Variants in FAM228B observed in about 807,000 individuals in gnomAD.
FAM228B encodes the protein family with sequence similarity 228 member B.
In FAM228B, 38 loss-of-function variants were observed where a neutral mutation model predicts 42.6. That is an observed-to-expected ratio of 0.89 (90% CI 0.69 to 1.17). The LOEUF is 1.17. Ranked by LOEUF, FAM228B falls within the 50% of genes most tolerant of loss-of-function variation. The pLI is 0.00. For missense variants in FAM228B, 344 were observed against 367.3 expected (o/e 0.94, Z 0.52); for synonymous variants, 109 against 122.3 (o/e 0.89, Z 0.72).
intron 2 of FAM228B, among the ~76,000 whole-genome samples, chr2:24,129,866 A>G (rs905404408): frequency 6.6e-6 from 1 of 152,034 alleles, no homozygotes; most frequent in East Asian, 1.9e-4. Context: ...GGTTTGTTAC[A>G]TAGGTATATA....
At chr2:24,150,135 C>T (rs2151025001) in intron 7 of FAM228B, among the ~76,000 whole-genome samples, 1 of 152,140 alleles carries the variant, frequency 6.6e-6, no homozygotes, top group African/African-American at 2.4e-5. Context: ...TATTTGCACA[C>T]CACCATTGCA....
chr2:24,091,263 C>G (rs1229545564), intron 2 of FAM228B, among the ~76,000 whole-genome samples: 1 of 152,090 alleles, frequency 6.6e-6, no homozygotes, highest in East Asian at 1.9e-4. Context: ...GAAACCCCGC[C>G]TCTACTAAAA....
intron 7 of FAM228B, among the ~76,000 whole-genome samples, chr2:24,153,289 A>G (rs1264260541): frequency 1.3e-5 from 2 of 152,154 alleles, no homozygotes; most frequent in African/African-American, 4.8e-5. Context: ...CACCACAGCT[A>G]GGAATGTTCT....
At chr2:24,126,079 A>G (rs879919516) in intron 2 of FAM228B, among the ~76,000 whole-genome samples, 4 of 152,148 alleles carry the variant, frequency 2.6e-5, no homozygotes, top group Non-Finnish European at 5.9e-5. Context: ...GTTTATGGAC[A>G]TTTGGGTTGA....
chr2:24,084,071 A>G lies in FAM228B; in HGVS notation c.-210+3116A>G. 2.1e-6 allele frequency: 3 copies of G among 1,419,578 alleles called. No homozygotes were observed. The South Asian group carries it at 4.4e-5, about 21-fold the overall frequency. The allele number at this position is 1,419,578 out of a possible 1,614,324, so 87.9% of individuals were successfully genotyped here. On this transcript the variant is annotated intron_variant, in intron 2 of 10. Transcript: ENST00000613899. This position sits in a 1 kb window ranked among gnomAD's most constrained non-coding sequence, Gnocchi z 8.4. ...GTTTAGGTCTGGGAAGCCCCAGCGCAGCTGCCTGCTGGGTGTGGAGCGGTG... is the reference window on the plus strand; with the variant it reads ...GTTTAGGTCTGGGAAGCCCCAGCGCGGCTGCCTGCTGGGTGTGGAGCGGTG...
intron 1 of FAM228B, among the ~76,000 whole-genome samples, chr2:24,078,470 C>A (rs1405536719): frequency 2.2e-5 from 3 of 136,574 alleles, no homozygotes; most frequent in Non-Finnish European, 4.7e-5. Flanking sequence ...AGAGTAAGAC[C>A]CTGTCTCCAT....
At chr2:24,164,142 G>T (rs940601556) in intron 8 of FAM228B, 56 bp from the exon 9 acceptor site, 24 of 1,421,390 alleles carry the variant, frequency 1.7e-5, no homozygotes, top group Middle Eastern at 3.6e-4. Context: ...AATATTAAGT[G>T]CTACAGTTGA....
upstream of FAM228B, chr2:24,119,687 A>G: frequency 6.2e-7 from 1 of 1,600,478 alleles, no homozygotes; most frequent in Non-Finnish European, 8.6e-7. Context: ...GTTCTCCTGT[A>G]TAAAGAATAT....
intron 3 of FAM228B, among the ~76,000 whole-genome samples, chr2:24,100,282 C>T (rs545297667): frequency 1.3e-3 from 200 of 152,266 alleles, no homozygotes; most frequent in African/African-American, 4.5e-3. Context: ...TCTAATTAAA[C>T]GAAAGAGCTT....
At chr2:24,128,543 C>A (rs1265837668) in intron 2 of FAM228B, among the ~76,000 whole-genome samples, 1 of 152,012 alleles carries the variant, frequency 6.6e-6, no homozygotes, top group African/African-American at 2.4e-5. Flanking sequence ...AATTTTCCTT[C>A]TTATTATTGG....
intron 3 of FAM228B, among the ~76,000 whole-genome samples, chr2:24,111,738 T>C (rs1665799451): frequency 6.6e-6 from 1 of 152,096 alleles, no homozygotes; most frequent in South Asian, 2.1e-4. Flanking sequence ...ACTCAGCTAG[T>C]TCAAATGTCT....
At chr2:24,101,505 A>G (rs936790119) in intron 3 of FAM228B, among the ~76,000 whole-genome samples, 2 of 152,078 alleles carry the variant, frequency 1.3e-5, no homozygotes, top group Non-Finnish European at 2.9e-5. Context: ...TGATCAAAAC[A>G]ATATGTATTA....
intron 3 of FAM228B, among the ~76,000 whole-genome samples, chr2:24,101,751 C>G (rs1665612574): frequency 6.6e-6 from 1 of 152,180 alleles, no homozygotes; most frequent in African/African-American, 2.4e-5. Context: ...GGCGCGATCT[C>G]AGCTCACTGC....
At chr2:24,103,182 TC>T (rs1665639314) in intron 3 of FAM228B, among the ~76,000 whole-genome samples, 1 of 152,162 alleles carries the variant, frequency 6.6e-6, no homozygotes, top group East Asian at 1.9e-4. Flanking sequence ...GTTCTTTTGC[TC>T]CAAGCCAGGC....
At chr2:24,118,958 C>G (rs1439608394), upstream of FAM228B, among the ~76,000 whole-genome samples, 1 of 152,076 alleles carries the variant, frequency 6.6e-6, no homozygotes, top group Non-Finnish European at 1.5e-5. Flanking sequence ...AACACAAACA[C>G]AATTTACCAT....
At position 24,167,648 on chromosome 2, in the gene FAM228B, G is replaced by A. The variant is rs2288072; in HGVS notation, c.954G>A (p.Gly318=). 0.62 allele frequency: 968,096 copies of A among 1,550,758 alleles called. 307,151 individuals carry two copies. The highest frequency in any genetic ancestry group is 0.77 in the East Asian group (31,502 of 40,884). The change falls in exon 10 of 11, where the codon GGG becomes GGA. Residue 318 remains glycine, a synonymous_variant. Transcript: ENST00000615575. ...TAAGGTCTCCCTCCCCGCGTTTGGG[G>A]CTGCTGAAGCTGGAGCTATAAGAAA... The part of the protein sequence containing the change: ...DQDGSPSPRL[G]LLKLEL
chr2:24,077,902 T>C lies in FAM228B; in HGVS notation c.-290+933T>C. On this transcript the variant is annotated intron_variant, in intron 1 of 10. Transcript: ENST00000613899. The surrounding 1 kb of genome is among the most constrained non-coding windows in gnomAD (Gnocchi z 5.5). ...ACACTTAACCCCTCACTTCCTAGCA[T>C]GTGTGTGAAATACCCTTGAAGGAGT... 2.4e-6 allele frequency: 2 copies of C among 843,956 alleles called. No individual in the cohort carries two copies. Among genetic ancestry groups the C allele is most frequent in the Non-Finnish European group, 3.6e-6 (2 of 549,116 alleles). 52.3% of individuals were successfully genotyped at this position (843,956 alleles called of 1,614,324 possible). A position where few individuals can be genotyped will look rare whatever the true frequency, so the allele number is the denominator to read the frequency against.
chr2:24,119,689 A>C, upstream of FAM228B: 1 of 1,599,226 alleles, frequency 6.3e-7, no homozygotes, highest in Non-Finnish European at 8.6e-7. Flanking sequence ...TCTCCTGTAT[A>C]AAGAATATAA....
At position 24,131,799 on chromosome 2, in the gene FAM228B, T is replaced by C. The variant is rs372344040; in HGVS notation, c.100-3320T>C. The stretch of plus-strand genomic sequence containing the variant: ...AACAGAGACAATTTGACTTCATCTC[T>C]TCCTATTTGAATACACTTTATTTAT... On this transcript the variant is annotated intron_variant, in intron 2 of 10. Transcript: ENST00000615575. Among the ~76,000 whole-genome samples the C allele has an allele frequency of 5.8e-4, 88 of 152,342 alleles. 4 individuals carry two copies. In the South Asian group the frequency reaches 0.018, roughly 31 times the overall value.
Sources: gnomAD v4.1 joint callset for allele counts (sites outside exome capture counted in the v4.1 genomes callset) on GRCh38, gnomAD v4.1.1 for gene constraint, Gnocchi (gnomAD v3.1) non-coding constraint, MANE v1.5 for transcripts, NCBI Gene and HGNC (gene_info 2026-07-23, HGNC 2026-07-21) for gene names.